GOLGA7B: variants seen among roughly 807,000 people sequenced by gnomAD.
GOLGA7B encodes golgin A7 family member B, also known as golgin subfamily A member 7B.
Under a neutral mutation model 21.5 loss-of-function variants are expected in GOLGA7B, and 17 were observed. That is an observed-to-expected ratio of 0.79 (90% CI 0.54 to 1.19). GOLGA7B has a LOEUF of 1.19. Ranked by LOEUF, GOLGA7B falls within the 50% of genes most tolerant of loss-of-function variation. The pLI is 0.00. For synonymous variants in GOLGA7B, 87 were observed against 84.0 expected, an observed-to-expected ratio of 1.04 and a Z score of -0.19; for missense variants, 169 against 224.4, an observed-to-expected ratio of 0.75 and a Z score of 1.58.
chr10:97,862,721 C>T (rs1011577852), intron 2 of GOLGA7B, among the ~76,000 whole-genome samples: 2 of 151,792 alleles, frequency 1.3e-5, no homozygotes, highest in Non-Finnish European at 2.9e-5. Flanking sequence ...GTTCCAGGGT[C>T]AACTGTAAAT....
intron 1 of GOLGA7B, among the ~76,000 whole-genome samples, chr10:97,854,035 C>T (rs530993982): frequency 2.8e-4 from 43 of 152,306 alleles, no homozygotes; most frequent in Non-Finnish European, 5.1e-4. Flanking sequence ...TTAAAAAGAT[C>T]TAGATTTCTG....
At chr10:97,852,669 G>A (rs1489962633) in intron 1 of GOLGA7B, among the ~76,000 whole-genome samples, 1 of 151,612 alleles carries the variant, frequency 6.6e-6, no homozygotes, top group African/African-American at 2.4e-5. Flanking sequence ...TCAGCTCTAG[G>A]AGAAGCTGTA....
At position 97,865,783 on chromosome 10, in the gene GOLGA7B, G is replaced by A. The variant is rs552576574; in HGVS notation, c.*83G>A. The A allele has an allele frequency of 1.4e-5, 20 of 1,461,810 alleles. No individual in the cohort carries two copies. The highest frequency in any genetic ancestry group is 9.5e-5 in the South Asian group (7 of 73,334). The allele number at this position is 1,461,810 out of a possible 1,614,324, so 90.6% of individuals were successfully genotyped here. A position where few individuals can be genotyped will look rare whatever the true frequency, so the allele number is the denominator to read the frequency against. Reference sequence around the variant, plus strand: ...CGGCGGCTGCGCTACCAGAGCACCCGCTTCTGAGTCATTCTTTGGGCTCAC... The same window carrying A: ...CGGCGGCTGCGCTACCAGAGCACCCACTTCTGAGTCATTCTTTGGGCTCAC... On this transcript the variant is annotated 3_prime_UTR_variant, in exon 5 of 5. Coordinates refer to ENST00000370602, the MANE Select transcript of GOLGA7B (RefSeq NM_001010917.3).
At chr10:97,862,833 G>A (rs775551299) in intron 2 of GOLGA7B, among the ~76,000 whole-genome samples, 68 of 152,298 alleles carry the variant, frequency 4.5e-4, no homozygotes, top group Non-Finnish European at 8.1e-4. Context: ...CACAGGGGGA[G>A]GCTGTTGAAT....
chr10:97,857,646 G>A (rs1157430703), intron 1 of GOLGA7B, among the ~76,000 whole-genome samples: 1 of 152,102 alleles, frequency 6.6e-6, no homozygotes, highest in African/African-American at 2.4e-5. Flanking sequence ...GGAACCAAAA[G>A]AGAACCTGAA....
chr10:97,851,854 A>C (rs563304467), intron 1 of GOLGA7B, among the ~76,000 whole-genome samples: 17 of 152,234 alleles, frequency 1.1e-4, no homozygotes, highest in Non-Finnish European at 2.2e-4. Flanking sequence ...CAGCGTTTCC[A>C]GGAGGCTGCT....
In GOLGA7B at chr10:97,864,017, G is replaced by C; in HGVS notation, c.226G>C (p.Glu76Gln). The C allele has an allele frequency of 6.2e-7, 1 of 1,614,160 alleles. No homozygotes were observed. Among genetic ancestry groups the C allele is most frequent in the South Asian group, 1.1e-5 (1 of 91,072 alleles). The part of the protein sequence containing the change: ...AEKIGGSSYL[E>Q]GCLACATAYF... Reference sequence around the variant, plus strand: ...GAAGATTGGGGGCAGCTCCTACCTCGAGGGCTGCCTGGCCTGCGCCACGGC... The same window carrying C: ...GAAGATTGGGGGCAGCTCCTACCTCCAGGGCTGCCTGGCCTGCGCCACGGC... Residue 76 changes from glutamate to glutamine, a missense_variant, in exon 3 of 5, where the codon GAG becomes CAG. By Grantham distance (29) the Glu-to-Gln change is conservative. Transcript: ENST00000370602.
At position 97,864,222 on chromosome 10, in the gene GOLGA7B, C is replaced by A. The variant is rs1417305151; in HGVS notation, c.346C>A (p.Pro116Thr). The change falls in exon 4 of 5, where the codon CCT (proline) becomes ACT (threonine). Residue 116 changes from proline to threonine, a missense_variant. By Grantham distance (38) the Pro-to-Thr change is conservative. Coordinates refer to ENST00000370602, the MANE Select transcript of GOLGA7B (RefSeq NM_001010917.3). ...GGAGCAGAATGAGAAGATCTTTGCA[C>A]CTCGAGGCCTCCTACTTACAGACCC... ...IQEQNEKIFA[P>T]RGLLLTDPVE... 1.9e-6 allele frequency: 3 copies of A among 1,614,070 alleles called. No homozygotes were observed. The Admixed American group carries it at 5.0e-5, about 27-fold the overall frequency.
Position 97,871,241 on chromosome 10 carries a change from C to T in GOLGA7B, c.*5541C>T, listed in dbSNP as rs1176229771. The T allele has an allele frequency of 6.6e-6, 1 of 152,192 alleles. No individual in the cohort carries two copies. Among genetic ancestry groups the T allele is most frequent in the Non-Finnish European group, 1.5e-5 (1 of 68,038 alleles). The allele number at this position is 152,192 out of a possible 1,614,324, so 9.4% of individuals were successfully genotyped here. A position where few individuals can be genotyped will look rare whatever the true frequency, so the allele number is the denominator to read the frequency against. The stretch of plus-strand genomic sequence containing the variant: ...GACAGCAGAACTTCGCATGCAGGAT[C>T]CTGGAGCTGCGTCGGGTTTTGAATC... On this transcript the variant is annotated 3_prime_UTR_variant, in exon 5 of 5. Coordinates refer to ENST00000370602, the MANE Select transcript of GOLGA7B (RefSeq NM_001010917.3).
At chr10:97,851,769 A>G (rs574744213) in intron 1 of GOLGA7B, among the ~76,000 whole-genome samples, 4 of 152,360 alleles carry the variant, frequency 2.6e-5, no homozygotes, top group Non-Finnish European at 4.4e-5. Flanking sequence ...ACAGATTCCA[A>G]CAGGCCCATC....
chr10:97,855,739 T>G (rs559181532), intron 1 of GOLGA7B, among the ~76,000 whole-genome samples: 1 of 152,350 alleles, frequency 6.6e-6, no homozygotes, highest in East Asian at 1.9e-4. Flanking sequence ...GCAGACATGT[T>G]AACAATTAAC....
At chr10:97,860,962 G>T (rs145277182) in intron 2 of GOLGA7B, among the ~76,000 whole-genome samples, 2 of 152,152 alleles carry the variant, frequency 1.3e-5, no homozygotes, top group African/African-American at 4.8e-5. Context: ...GGGTTTAAAG[G>T]CTGCTCAGAT....
chr10:97,860,689 AATTCC>A (rs1253952723), intron 2 of GOLGA7B, among the ~76,000 whole-genome samples: 5 of 152,200 alleles, frequency 3.3e-5, no homozygotes, highest in Admixed American at 3.3e-4. Flanking sequence ...TTTAATGAGG[AATTCC>A]CAGGTGAATC....
In GOLGA7B at chr10:97,865,705, C is replaced by A; in HGVS notation, c.*5C>A. The A allele has an allele frequency of 6.2e-7, 1 of 1,602,406 alleles. No individual in the cohort carries two copies. The highest frequency in any genetic ancestry group is 8.5e-7 in the Non-Finnish European group (1 of 1,174,750). On this transcript the variant is annotated 3_prime_UTR_variant, in exon 5 of 5. Coordinates refer to ENST00000370602, the MANE Select transcript of GOLGA7B (RefSeq NM_001010917.3). Reference sequence around the variant, plus strand: ...GGTGGGGCGGGGGCCCGGTGACTGGCCGAGAGTCCCTGTAGGGAGGTGTAT... The same window carrying A: ...GGTGGGGCGGGGGCCCGGTGACTGGACGAGAGTCCCTGTAGGGAGGTGTAT...
intron 1 of GOLGA7B, among the ~76,000 whole-genome samples, chr10:97,857,784 G>A (rs2049945665): frequency 6.6e-6 from 1 of 152,158 alleles, no homozygotes; most frequent in South Asian, 2.1e-4. Flanking sequence ...GGTTTTGTAT[G>A]GGTTACTGGT....
Position 97,850,327 on chromosome 10 carries a change from C to G in GOLGA7B, c.12+12C>G, listed in dbSNP as rs2049897062. The G allele has an allele frequency of 1.3e-6, 2 of 1,512,502 alleles. No individual in the cohort carries two copies. The highest frequency in any genetic ancestry group is 2.8e-5 in the African/African-American group (2 of 70,438). 93.7% of individuals were successfully genotyped at this position (1,512,502 alleles called of 1,614,324 possible). A position where few individuals can be genotyped will look rare whatever the true frequency, so the allele number is the denominator to read the frequency against. ...TCATGGCCACCGAGGTAGGGGCGAG[C>G]GCCCCACCCGCAGGCAGTGCCCGAT... On this transcript the variant is annotated intron_variant, in intron 1 of 4. Coordinates refer to ENST00000370602, the MANE Select transcript of GOLGA7B (RefSeq NM_001010917.3).
chr10:97,852,340 C>T (rs1257234509), intron 1 of GOLGA7B, among the ~76,000 whole-genome samples: 2 of 152,028 alleles, frequency 1.3e-5, no homozygotes, highest in Admixed American at 1.3e-4. Context: ...GACTCAGGCC[C>T]CCTGCTTGGC....
chr10:97,857,362 G>GAC (rs60908270), intron 1 of GOLGA7B, among the ~76,000 whole-genome samples: 21,828 of 135,304 alleles, frequency 0.16, 1,670 homozygotes, highest in South Asian at 0.21. Flanking sequence ...ACAATAGCCA[G>GAC]ACACACACAC....
At position 97,866,386 on chromosome 10, in the gene GOLGA7B, G is replaced by C. The variant is rs531796350; in HGVS notation, c.*686G>C. ...TTTGCAGGCTGCCAGGTGCTGGTTGGGGGGCACAGAGCCTGGGGCTCTGGG... is the reference window on the plus strand; with the variant it reads ...TTTGCAGGCTGCCAGGTGCTGGTTGCGGGGCACAGAGCCTGGGGCTCTGGG... On this transcript the variant is annotated 3_prime_UTR_variant, in exon 5 of 5. Transcript: ENST00000370602. The C allele has an allele frequency of 1.3e-5, 2 of 152,262 alleles. No homozygotes were observed. The highest frequency in any genetic ancestry group is 2.9e-5 in the Non-Finnish European group (2 of 68,096). 9.4% of individuals were successfully genotyped at this position (152,262 alleles called of 1,614,324 possible). A position where few individuals can be genotyped will look rare whatever the true frequency, so the allele number is the denominator to read the frequency against.
Sources: gnomAD v4.1 joint callset for allele counts (sites outside exome capture counted in the v4.1 genomes callset) on GRCh38, gnomAD v4.1.1 for gene constraint, MANE v1.5 for transcripts, NCBI Gene and HGNC (gene_info 2026-07-23, HGNC 2026-07-21) for gene names.